The following SLC4A10 variants were observed in gnomAD, a reference collection of about 807,000 sequenced individuals.
SLC4A10 encodes the protein solute carrier family 4 member 10.
In SLC4A10, 42 loss-of-function variants were observed where a neutral mutation model predicts 137.7. The ratio of observed to expected loss-of-function variants is 0.30; its 90% CI spans 0.24 to 0.39. SLC4A10 has a LOEUF of 0.39. SLC4A10 is among the 10% of genes least tolerant of loss of function. The pLI, the probability that SLC4A10 is intolerant of heterozygous loss-of-function variation, is 1.00. For synonymous variants in SLC4A10, 474 were observed against 464.1 expected (o/e 1.02, Z -0.27); for missense variants, 925 against 1,355.0 (o/e 0.68, Z 4.98).
At chr2:161,983,048 A>T in intron 26 of SLC4A10, 131 bp from the exon 27 acceptor site, 1 of 702,586 alleles carries the variant, frequency 1.4e-6, no homozygotes, top group Non-Finnish European at 2.3e-6. Flanking sequence ...TGTGCTTCGC[A>T]GCATGAGAGA....
At chr2:161,821,913 C>T (rs997182759) in intron 3 of SLC4A10, among the ~76,000 whole-genome samples, 16 of 152,092 alleles carry the variant, frequency 1.1e-4, no homozygotes, top group Non-Finnish European at 1.5e-4. Context: ...GGGAACCATA[C>T]GTTATCTTGA....
At chr2:161,712,056 T>A (rs2044350158) in intron 1 of SLC4A10, among the ~76,000 whole-genome samples, 1 of 151,854 alleles carries the variant, frequency 6.6e-6, no homozygotes, top group Admixed American at 6.6e-5. Context: ...TCTCCCTTAA[T>A]CTCTTTATCA....
chr2:161,845,936 A>G (rs2059463759), intron 4 of SLC4A10, among the ~76,000 whole-genome samples: 1 of 152,176 alleles, frequency 6.6e-6, no homozygotes, highest in African/African-American at 2.4e-5. Context: ...GTTTTTAGAC[A>G]TAACACCAAA....
chr2:161,705,680 C>T (rs1169530402), intron 1 of SLC4A10, among the ~76,000 whole-genome samples: 1 of 151,554 alleles, frequency 6.6e-6, no homozygotes, highest in African/African-American at 2.4e-5. Context: ...AAAGAGGCCC[C>T]AGAGAGTTGC....
chr2:161,964,330 T>C (rs1247367964), intron 22 of SLC4A10, 22 bp downstream of exon 22: 1 of 1,610,694 alleles, frequency 6.2e-7, no homozygotes, highest in African/African-American at 1.3e-5. Flanking sequence ...CTGTCAACTA[T>C]TTTTCTCTTT....
intron 1 of SLC4A10, among the ~76,000 whole-genome samples, chr2:161,673,908 T>G (rs1250098236): frequency 6.6e-6 from 1 of 152,166 alleles, no homozygotes; most frequent in Non-Finnish European, 1.5e-5. Flanking sequence ...GAGAATCGCT[T>G]GAACCCAGGA....
intron 2 of SLC4A10, among the ~76,000 whole-genome samples, chr2:161,792,564 A>C (rs559405555): frequency 2.6e-5 from 4 of 152,130 alleles, no homozygotes; most frequent in South Asian, 2.1e-4. Context: ...TTAAATCTCT[A>C]TTTCAGCTGT....
chr2:161,702,090 A>G (rs866874112), intron 1 of SLC4A10, among the ~76,000 whole-genome samples: 1 of 151,990 alleles, frequency 6.6e-6, no homozygotes, highest in South Asian at 2.1e-4. Context: ...TATTGAAGAG[A>G]TATCTGCATT....
chr2:161,650,888 G>A (rs1448319095), intron 1 of SLC4A10, among the ~76,000 whole-genome samples: 1 of 152,196 alleles, frequency 6.6e-6, no homozygotes. Flanking sequence ...ACAGCATGTT[G>A]ATGGCGGCAA....
At chr2:161,846,078 A>G (rs565135924) in intron 4 of SLC4A10, among the ~76,000 whole-genome samples, 5 of 152,286 alleles carry the variant, frequency 3.3e-5, no homozygotes, top group African/African-American at 1.2e-4. Context: ...CCAGATATTC[A>G]ACAAAAGTGT....
rs533007699 is a variant in SLC4A10, at chr2:161,976,993, A to T, written c.3344+117A>T. The T allele has an allele frequency of 1.0e-5, 6 of 580,976 alleles. No homozygotes were observed. In the Admixed American group the frequency reaches 2.2e-4, roughly 22 times the overall value. 36.0% of individuals were successfully genotyped at this position (580,976 alleles called of 1,614,324 possible). A position where few individuals can be genotyped will look rare whatever the true frequency, so the allele number is the denominator to read the frequency against. On this transcript the variant is annotated intron_variant, in intron 25 of 26. Transcript: ENST00000446997. ...ATTTAGATATAAAATATTCCAGAAAATTCTTTCCAAAAGTGGGTAGAAATT... is the reference window on the plus strand; with the variant it reads ...ATTTAGATATAAAATATTCCAGAAATTTCTTTCCAAAAGTGGGTAGAAATT...
In SLC4A10 at chr2:161,836,528, GAGAGAAAGAAAGAA is replaced by G. The variant is rs1223760042; in HGVS notation, c.278-3257_278-3244del. The stretch of plus-strand genomic sequence containing the variant: ...AAAAAGAAAGAAAGAAAGAGAGAGA[GAGAGAAAGAAAGAA>G]AGAAAGAAAGAAAGAAAGAAAGAAA... On this transcript the variant is annotated intron_variant, in intron 3 of 26. Coordinates refer to ENST00000446997, the MANE Select transcript of SLC4A10 (RefSeq NM_001178015.2). Among the ~76,000 whole-genome samples the G allele has an allele frequency of 1.5e-3, 128 of 83,714 alleles. 1 individual carries two copies. The highest frequency in any genetic ancestry group is 6.4e-3 in the African/African-American group (108 of 16,966). 54.9% of individuals were successfully genotyped at this position (83,714 alleles called of 152,430 possible).
intron 1 of SLC4A10, among the ~76,000 whole-genome samples, chr2:161,733,303 T>C (rs986099627): frequency 2.0e-5 from 3 of 152,182 alleles, no homozygotes; most frequent in Admixed American, 6.5e-5. Context: ...GCCTAGGGAC[T>C]TCATGCCCTG....
At chr2:161,777,283 A>G (rs533395948) in intron 2 of SLC4A10, among the ~76,000 whole-genome samples, 4 of 151,942 alleles carry the variant, frequency 2.6e-5, no homozygotes, top group African/African-American at 9.6e-5. Flanking sequence ...TGATTAGTCA[A>G]TATTTTCTCC....
intron 1 of SLC4A10, among the ~76,000 whole-genome samples, chr2:161,692,191 G>A (rs978929468): frequency 2.6e-5 from 4 of 152,034 alleles, no homozygotes; most frequent in East Asian, 3.9e-4. Flanking sequence ...GGTTCCACAC[G>A]TTAGAATGGT....
At chr2:161,886,756 G>A (rs891720017) in intron 10 of SLC4A10, among the ~76,000 whole-genome samples, 2 of 151,880 alleles carry the variant, frequency 1.3e-5, no homozygotes, top group African/African-American at 2.4e-5. Flanking sequence ...TTTGGTGGCT[G>A]TCTCAACCCC....
intron 1 of SLC4A10, among the ~76,000 whole-genome samples, chr2:161,742,121 C>T (rs1201913003): frequency 1.1e-4 from 17 of 152,148 alleles, no homozygotes; most frequent in Admixed American, 1.1e-3. Flanking sequence ...ACAATGTTCT[C>T]AAGTTCCATC....
chr2:161,975,341 A>G (rs1699224847), intron 24 of SLC4A10, among the ~76,000 whole-genome samples: 1 of 152,186 alleles, frequency 6.6e-6, no homozygotes, highest in African/African-American at 2.4e-5. Context: ...AATAAGTTTG[A>G]AAAAATGTGC....
At chr2:161,699,575 A>G (rs1401547296) in intron 1 of SLC4A10, among the ~76,000 whole-genome samples, 1 of 152,216 alleles carries the variant, frequency 6.6e-6, no homozygotes, top group Non-Finnish European at 1.5e-5. Flanking sequence ...ATGAAAGTGA[A>G]TCATACATAT....
Sources: allele counts gnomAD v4.1 joint callset (sites outside exome capture counted in the v4.1 genomes callset), GRCh38; gene constraint gnomAD v4.1.1; transcripts MANE v1.5; gene names NCBI Gene and HGNC (gene_info 2026-07-23, HGNC 2026-07-21).